FNDC3B: variants seen among roughly 807,000 people sequenced by gnomAD.
FNDC3B encodes fibronectin type III domain-containing protein 3B.
A neutral mutation model predicts 151.5 loss-of-function variants in FNDC3B; 12 were observed. The observed-to-expected ratio is 0.08, with a 90% confidence interval of 0.05 to 0.13. The LOEUF is 0.13. FNDC3B is among the 10% of genes least tolerant of loss of function. The probability of loss-of-function intolerance (pLI) is 1.00; values close to 1 mark genes in which losing one functional copy is unlikely to be tolerated. For missense variants in FNDC3B, 1,214 were observed against 1,505.3 expected (o/e 0.81, Z 3.20); for synonymous variants, 528 against 549.0 (o/e 0.96, Z 0.54).
chr3:172,288,644 A>G (rs1227531284), intron 7 of FNDC3B, among the ~76,000 whole-genome samples: 1 of 152,268 alleles, frequency 6.6e-6, no homozygotes, highest in African/African-American at 2.4e-5. Flanking sequence ...CAAAGCCTCA[A>G]GTAGTTACAC....
chr3:172,203,365 G>T (rs571915018), intron 3 of FNDC3B, among the ~76,000 whole-genome samples: 19 of 152,208 alleles, frequency 1.2e-4, no homozygotes, highest in Non-Finnish European at 2.4e-4. Flanking sequence ...ATGCCCAAAG[G>T]CGGGAGAAAG....
At chr3:172,280,666 C>T (rs1729662795) in intron 6 of FNDC3B, among the ~76,000 whole-genome samples, 1 of 152,104 alleles carries the variant, frequency 6.6e-6, no homozygotes, top group Non-Finnish European at 1.5e-5. Flanking sequence ...TAGCTAGTAG[C>T]TAAGTGTGTA....
intron 4 of FNDC3B, among the ~76,000 whole-genome samples, chr3:172,234,180 G>A (rs986430286): frequency 3.9e-5 from 6 of 152,162 alleles, no homozygotes; most frequent in Non-Finnish European, 4.4e-5. Flanking sequence ...GGGAGGAAAC[G>A]AGGGCCCAAG....
Position 172,177,257 on chromosome 3 carries a change from T to C in FNDC3B, c.187+43711T>C, listed in dbSNP as rs139268450. 8.5e-4 allele frequency among the ~76,000 whole-genome samples: 129 copies of C among 152,342 alleles called. 1 individual carries two copies. The highest frequency in any genetic ancestry group is 3.0e-3 in the African/African-American group (125 of 41,560). ...TGTTACTGTTAAGTATTCGGATTCCTGGGCCTAATGCCAGGTCTACTGAAT... is the reference window on the plus strand; with the variant it reads ...TGTTACTGTTAAGTATTCGGATTCCCGGGCCTAATGCCAGGTCTACTGAAT... On this transcript the variant is annotated intron_variant, in intron 3 of 25. Coordinates refer to ENST00000415807, the MANE Select transcript of FNDC3B (RefSeq NM_022763.4).
intron 6 of FNDC3B, among the ~76,000 whole-genome samples, chr3:172,273,142 A>C (rs937580498): frequency 2.6e-5 from 4 of 152,226 alleles, no homozygotes; most frequent in Non-Finnish European, 4.4e-5. Context: ...TTCATTTCAG[A>C]AACCAACTAT....
intron 10 of FNDC3B, among the ~76,000 whole-genome samples, chr3:172,309,194 TC>T (rs1731340556): frequency 6.6e-6 from 1 of 152,214 alleles, no homozygotes; most frequent in Non-Finnish European, 1.5e-5. Context: ...TAGAACAGAT[TC>T]CCTGATCAAA....
chr3:172,212,192 G>A (rs1268739411), intron 3 of FNDC3B, among the ~76,000 whole-genome samples: 1 of 152,172 alleles, frequency 6.6e-6, no homozygotes, highest in African/African-American at 2.4e-5. Flanking sequence ...TTTGCCAGCT[G>A]AAGCATATTC....
chr3:172,239,954 C>T (rs1314170504), intron 4 of FNDC3B, among the ~76,000 whole-genome samples: 4 of 144,124 alleles, frequency 2.8e-5, no homozygotes, highest in African/African-American at 1.1e-4. Context: ...CTGCAAGCTC[C>T]GCCTCCTGGG....
chr3:172,371,593 A>G (rs561229890), intron 23 of FNDC3B, among the ~76,000 whole-genome samples: 3 of 152,340 alleles, frequency 2.0e-5, no homozygotes, highest in South Asian at 4.1e-4. Context: ...CCTTCTAACC[A>G]GTTTATTTCC....
At chr3:172,355,087 A>G (rs1734030976) in intron 22 of FNDC3B, among the ~76,000 whole-genome samples, 1 of 152,172 alleles carries the variant, frequency 6.6e-6, no homozygotes, top group Admixed American at 6.5e-5. Flanking sequence ...CTAGAATTAC[A>G]ATACTACTTT....
At chr3:172,049,704 T>G (rs1041248097) in intron 1 of FNDC3B, among the ~76,000 whole-genome samples, 15 of 152,144 alleles carry the variant, frequency 9.9e-5, no homozygotes, top group African/African-American at 3.6e-4. Flanking sequence ...ATTTTGTATA[T>G]TTAGTAGAGA....
intron 3 of FNDC3B, among the ~76,000 whole-genome samples, chr3:172,149,249 T>C (rs951218593): frequency 5.9e-5 from 9 of 152,374 alleles, no homozygotes; most frequent in African/African-American, 1.7e-4. Flanking sequence ...GACTTGAATT[T>C]ATACAGTAAA....
chr3:172,177,321 T>C (rs1297795776), intron 3 of FNDC3B, among the ~76,000 whole-genome samples: 1 of 152,238 alleles, frequency 6.6e-6, no homozygotes, highest in Admixed American at 6.5e-5. Context: ...ATCTACATTT[T>C]AACAGACTCC....
In FNDC3B at chr3:172,278,881, C is replaced by T. The variant is rs952041573; in HGVS notation, c.791-7045C>T. On this transcript the variant is annotated intron_variant, in intron 6 of 25. Coordinates refer to ENST00000415807, the MANE Select transcript of FNDC3B (RefSeq NM_022763.4). ...GGCAGAGGTTGCAGAAAGCCGAGAT[C>T]GCACCACTGCACTCCAGCCTGGGCA... 3.9e-5 allele frequency among the ~76,000 whole-genome samples: 6 copies of T among 152,136 alleles called. No homozygotes were observed. The South Asian group carries it at 6.2e-4, about 16-fold the overall frequency.
intron 6 of FNDC3B, 144 bp downstream of exon 6, chr3:172,251,685 A>G (rs997299601): frequency 1.1e-5 from 8 of 697,634 alleles, no homozygotes; most frequent in Middle Eastern, 2.8e-4. Context: ...TCTTTGATCT[A>G]TTTCTTGGTA....
At chr3:172,336,773 G>A (rs1051896589) in intron 15 of FNDC3B, among the ~76,000 whole-genome samples, 10 of 151,640 alleles carry the variant, frequency 6.6e-5, no homozygotes, top group Non-Finnish European at 1.2e-4. Flanking sequence ...CGTAGTGGCG[G>A]GCGCCTGTAA....
chr3:172,146,646 C>T (rs1055550976), intron 3 of FNDC3B, among the ~76,000 whole-genome samples: 2 of 152,188 alleles, frequency 1.3e-5, no homozygotes, highest in Non-Finnish European at 2.9e-5. Flanking sequence ...AGTGTACAGG[C>T]TGTGTACCTG....
At chr3:172,154,824 T>C (rs1394095504) in intron 3 of FNDC3B, among the ~76,000 whole-genome samples, 3 of 152,194 alleles carry the variant, frequency 2.0e-5, no homozygotes, top group Non-Finnish European at 4.4e-5. Context: ...ATAACTTTAA[T>C]CTGTCTCCTG....
chr3:172,325,912 C>G (rs531688145), intron 11 of FNDC3B, among the ~76,000 whole-genome samples: 1 of 152,122 alleles, frequency 6.6e-6, no homozygotes, highest in Admixed American at 6.5e-5. Context: ...CAACCTCTGC[C>G]TCCCGGGTTC....
Sources: gnomAD v4.1 joint callset for allele counts (sites outside exome capture counted in the v4.1 genomes callset) on GRCh38, gnomAD v4.1.1 for gene constraint, MANE v1.5 for transcripts, NCBI Gene and HGNC (gene_info 2026-07-23, HGNC 2026-07-21) for gene names.